LRP4: variants seen among roughly 807,000 people sequenced by gnomAD.
LRP4 encodes LDL receptor related protein 4.
LRP4 carries 95 observed loss-of-function variants against 220.3 expected under a neutral mutation model. That is an observed-to-expected ratio of 0.43 (90% CI 0.37 to 0.51). The LOEUF (loss-of-function observed/expected upper bound fraction) is 0.51. LRP4 is among the 20% of genes least tolerant of loss of function. The pLI, the probability that LRP4 is intolerant of heterozygous loss-of-function variation, is 0.00. For synonymous variants in LRP4, 903 were observed against 954.6 expected (o/e 0.95, Z 1.00); for missense variants, 1,925 against 2,567.0 (o/e 0.75, Z 5.40).
chr11:46,863,129 G>A (rs755499903), intron 36 of LRP4, among the ~76,000 whole-genome samples: 3 of 152,134 alleles, frequency 2.0e-5, no homozygotes, highest in Non-Finnish European at 2.9e-5. Flanking sequence ...ATGAGGAGCT[G>A]AATCCTACCA....
intron 1 of LRP4, among the ~76,000 whole-genome samples, chr11:46,916,476 C>G (rs1420380117): frequency 6.6e-6 from 1 of 152,110 alleles, no homozygotes; most frequent in Non-Finnish European, 1.5e-5. Flanking sequence ...AAAGCGTTAC[C>G]GCGAATCCTC....
In LRP4 at chr11:46,877,329, A is replaced by G; in HGVS notation, c.3147T>C (p.Ser1049=). 1 of 1,614,126 alleles carries G rather than the reference A, an allele frequency of 6.2e-7. No homozygotes were observed. The highest frequency in any genetic ancestry group is 8.5e-7 in the Non-Finnish European group (1 of 1,180,018). Reference sequence around the variant, plus strand: ...CTATCCTCCTGGCGAAGATGAGGAAACTGTTCATGCCTGCCAGGTGGAGAG... The same window carrying G: ...CTATCCTCCTGGCGAAGATGAGGAAGCTGTTCATGCCTGCCAGGTGGAGAG... ...DGKTCSPGMN[S]FLIFARRIDI... Residue 1049 remains serine (S), a synonymous_variant, in exon 23 of 38, where the codon AGT becomes AGC. Transcript: ENST00000378623.
At chr11:46,891,551 T>C (rs960021699) in intron 13 of LRP4, among the ~76,000 whole-genome samples, 6 of 152,116 alleles carry the variant, frequency 3.9e-5, no homozygotes, top group African/African-American at 1.4e-4. Context: ...ATTGATTGCA[T>C]AGAATTTTTA....
At chr11:46,865,258 G>T in intron 34 of LRP4, 72 bp from the exon 35 acceptor site, 1 of 1,140,728 alleles carries the variant, frequency 8.8e-7, no homozygotes, top group Admixed American at 2.0e-5. Context: ...TCCAGGAAAG[G>T]GGGAAAGGCC....
rs1941622201 is a variant in LRP4, at chr11:46,899,564, CCT to C, written c.431-63_431-62del. The stretch of plus-strand genomic sequence containing the variant: ...GCCCCACAGGCAACCCTCTCACCCT[CCT>C]CTCTGACTCCCAACCTCACTGGCTT... On this transcript the variant is annotated intron_variant, in intron 4 of 37. Coordinates refer to ENST00000378623, the MANE Select transcript of LRP4 (RefSeq NM_002334.4). This position sits in a 1 kb window ranked among gnomAD's most constrained non-coding sequence, Gnocchi z 5.9. 1 of 1,160,126 alleles carries C rather than the reference CCT, an allele frequency of 8.6e-7. No individual in the cohort carries two copies. Among genetic ancestry groups the C allele is most frequent in the Non-Finnish European group, 1.3e-6 (1 of 775,448 alleles). 71.9% of individuals were successfully genotyped at this position (1,160,126 alleles called of 1,614,324 possible). A position where few individuals can be genotyped will look rare whatever the true frequency, so the allele number is the denominator to read the frequency against.
intron 1 of LRP4, among the ~76,000 whole-genome samples, chr11:46,906,326 C>T (rs6485706): frequency 0.19 from 29,521 of 151,782 alleles, 5,250 homozygotes; most frequent in African/African-American, 0.48. Context: ...CGTGGTGGCG[C>T]ACGCCTGTAG....
chr11:46,876,641 T>G lies in LRP4; in HGVS notation c.3365-4A>C, dbSNP rs969643738. On this transcript the variant is annotated splice_polypyrimidine_tract_variant and splice_region_variant and intron_variant, in intron 24 of 37. Coordinates refer to ENST00000378623, the MANE Select transcript of LRP4 (RefSeq NM_002334.4). ...AGCCCATCTGTGGTCTGTAGCCCTG[T>G]GGGAAGTCAAAAGAGCACACTGGCT... 1 of 1,614,170 alleles carries G rather than the reference T, an allele frequency of 6.2e-7. No individual in the cohort carries two copies. The highest frequency in any genetic ancestry group is 8.5e-7 in the Non-Finnish European group (1 of 1,180,034).
chr11:46,906,508 C>T (rs1941762903), intron 1 of LRP4, among the ~76,000 whole-genome samples: 1 of 150,724 alleles, frequency 6.6e-6, no homozygotes, highest in Non-Finnish European at 1.5e-5. Context: ...GTGGAAAAAA[C>T]TAATCTTATG....
chr11:46,896,252 C>T lies in LRP4; in HGVS notation c.1006G>A (p.Asp336Asn), dbSNP rs766707622. ...CTTTCGTCGCTGTTGTCACCACAGTCGTTGACCCCGTTGCACAGCTTCCTC... is the reference window on the plus strand; with the variant it reads ...CTTTCGTCGCTGTTGTCACCACAGTTGTTGACCCCGTTGCACAGCTTCCTC... ...GQRKLCNGVN[D>N]CGDNSDESPQ... Residue 336 changes from aspartate (D) to asparagine (N), a missense_variant, in exon 9 of 38, where the codon GAC becomes AAC. Asp to Asn is a conservative substitution (Grantham distance 23). Coordinates refer to ENST00000378623, the MANE Select transcript of LRP4 (RefSeq NM_002334.4). The T allele has an allele frequency of 1.5e-5, 24 of 1,614,166 alleles. No individual in the cohort carries two copies. The highest frequency in any genetic ancestry group is 1.9e-5 in the Non-Finnish European group (22 of 1,180,054).
In LRP4 at chr11:46,918,425, G is replaced by A; in HGVS notation, c.-46C>T. On this transcript the variant is annotated 5_prime_UTR_variant, in exon 1 of 38. Transcript: ENST00000378623. This position sits in a 1 kb window ranked among gnomAD's most constrained non-coding sequence, Gnocchi z 6.0. ...CCCGGGGTCCCGCCGGCTCCCGCCG[G>A]ACGGCGCGGCGGAGAAGCCCGCGGA... 7.6e-7 allele frequency: 1 copy of A among 1,322,752 alleles called. No individual in the cohort carries two copies. Among genetic ancestry groups the A allele is most frequent in the Non-Finnish European group, 9.6e-7 (1 of 1,040,798 alleles). The allele number at this position is 1,322,752 out of a possible 1,614,324, so 81.9% of individuals were successfully genotyped here.
At chr11:46,895,535 C>T (rs374109542) in intron 10 of LRP4, among the ~76,000 whole-genome samples, 5 of 152,014 alleles carry the variant, frequency 3.3e-5, no homozygotes, top group African/African-American at 7.3e-5. Context: ...GAGCCGAGAT[C>T]GCACCACTGC....
intron 2 of LRP4, among the ~76,000 whole-genome samples, chr11:46,901,331 T>A (rs1052027136): frequency 6.6e-6 from 1 of 152,196 alleles, no homozygotes; most frequent in East Asian, 1.9e-4. Context: ...TAAATGATGA[T>A]TGACACACCC....
In LRP4 at chr11:46,895,822, G is replaced by A. The variant is rs188294612; in HGVS notation, c.1183+62C>T. On this transcript the variant is annotated intron_variant, in intron 10 of 37. Coordinates refer to ENST00000378623, the MANE Select transcript of LRP4 (RefSeq NM_002334.4). Reference sequence around the variant, plus strand: ...AAATGCCTGACCCATAGGAAACACAGCTGCCTGTCTGCTGCCCCTGCTCAG... The same window carrying A: ...AAATGCCTGACCCATAGGAAACACAACTGCCTGTCTGCTGCCCCTGCTCAG... 4.7e-5 allele frequency: 75 copies of A among 1,601,098 alleles called. No individual in the cohort carries two copies. The African/African-American group carries it at 9.3e-4, about 20-fold the overall frequency.
chr11:46,862,561 C>A (rs1481097721), intron 37 of LRP4, 45 bp downstream of exon 37: 9 of 1,610,192 alleles, frequency 5.6e-6, no homozygotes, highest in Non-Finnish European at 7.6e-6. Flanking sequence ...AATCCCTCCC[C>A]ACACCTCGCC....
intron 2 of LRP4, among the ~76,000 whole-genome samples, chr11:46,901,770 T>C (rs999421142): frequency 2.0e-5 from 3 of 151,956 alleles, no homozygotes; most frequent in Non-Finnish European, 4.4e-5. Flanking sequence ...TCTCGCTCTG[T>C]CGCCCAATCT....
chr11:46,905,307 G>A (rs141593492), intron 1 of LRP4, among the ~76,000 whole-genome samples: 33 of 152,296 alleles, frequency 2.2e-4, no homozygotes, highest in African/African-American at 7.5e-4. Context: ...GCACCCTTTT[G>A]GTGAACTCTA....
At position 46,871,398 on chromosome 11, in the gene LRP4, A is replaced by C. The variant is rs1050161464; in HGVS notation, c.4692+127T>G. ...CCTACCAAGGCTTCAGGGCACAGGAAAAATCCCTAAAATGAGCTGCAATAG... is the reference window on the plus strand; with the variant it reads ...CCTACCAAGGCTTCAGGGCACAGGACAAATCCCTAAAATGAGCTGCAATAG... On this transcript the variant is annotated intron_variant, in intron 31 of 37. Transcript: ENST00000378623. 22 of 769,136 alleles carry C rather than the reference A, an allele frequency of 2.9e-5. No individual in the cohort carries two copies. The African/African-American group carries it at 3.6e-4, about 13-fold the overall frequency. The allele number at this position is 769,136 out of a possible 1,614,324, so 47.6% of individuals were successfully genotyped here.
intron 8 of LRP4, 134 bp downstream of exon 8, chr11:46,896,735 G>T: frequency 2.3e-6 from 3 of 1,307,942 alleles, no homozygotes; most frequent in Non-Finnish European, 3.3e-6. Context: ...CCATAAGGCC[G>T]CAGGTCAATG....
chr11:46,896,855 C>G lies in LRP4; in HGVS notation c.922+14G>C. On this transcript the variant is annotated intron_variant, in intron 8 of 37. Transcript: ENST00000378623. ...TATAGGCTAAGGGTTCTGGGGCACC[C>G]CGGGAGACACCACCTGTATTCTCAC... The G allele has an allele frequency of 1.2e-6, 2 of 1,614,118 alleles. No homozygotes were observed. Among genetic ancestry groups the G allele is most frequent in the Non-Finnish European group, 1.7e-6 (2 of 1,179,976 alleles).
Sources: gnomAD v4.1 joint callset for allele counts (sites outside exome capture counted in the v4.1 genomes callset) on GRCh38, gnomAD v4.1.1 for gene constraint, Gnocchi (gnomAD v3.1) non-coding constraint, MANE v1.5 for transcripts, NCBI Gene and HGNC (gene_info 2026-07-23, HGNC 2026-07-21) for gene names.